ITIH2: variants seen among roughly 807,000 people sequenced by gnomAD.
ITIH2 encodes the protein inter-alpha-trypsin inhibitor heavy chain H2.
A neutral mutation model predicts 104.4 loss-of-function variants in ITIH2; 103 were observed. The ratio of observed to expected loss-of-function variants is 0.99; its 90% CI spans 0.84 to 1.16. The LOEUF (loss-of-function observed/expected upper bound fraction) is 1.16. ITIH2 is among the 50% of genes most tolerant of loss of function. The pLI, the probability that ITIH2 is intolerant of heterozygous loss-of-function variation, is 0.00. For missense variants in ITIH2, 1,108 were observed against 1,162.4 expected, an observed-to-expected ratio of 0.95 and a Z score of 0.68; for synonymous variants, 436 against 435.4, an observed-to-expected ratio of 1.00 and a Z score of -0.02.
chr10:7,736,282 G>A (rs1418336672), intron 15 of ITIH2, among the ~76,000 whole-genome samples: 1 of 152,118 alleles, frequency 6.6e-6, no homozygotes, highest in South Asian at 2.1e-4. Context: ...CGGGAGGATT[G>A]CTTGAGCCTG....
intron 9 of ITIH2, among the ~76,000 whole-genome samples, chr10:7,724,944 AT>A: frequency 6.6e-6 from 1 of 152,120 alleles, no homozygotes; most frequent in African/African-American, 2.4e-5. Flanking sequence ...TCACTCATTC[AT>A]TTAACAAATA....
In ITIH2 at chr10:7,709,127, C is replaced by A; in HGVS notation, c.298C>A (p.Gln100Lys). ...IQSKVVNNSP[Q>K]PQNVVFDVQI... ...GAGCAAAGTGGTGAACAATTCCCCG[C>A]AGCCTCAGAATGTCGTGTTTGATGT... The change falls in exon 4 of 21, where the codon CAG becomes AAG. Residue 100 changes from glutamine to lysine, a missense_variant. By Grantham distance (53) the Gln-to-Lys change is moderately conservative. Transcript: ENST00000358415. 1 of 1,614,136 alleles carries A rather than the reference C, an allele frequency of 6.2e-7. No individual in the cohort carries two copies. The highest frequency in any genetic ancestry group is 8.5e-7 in the Non-Finnish European group (1 of 1,180,014).
chr10:7,747,990 G>C (rs564953994), intron 20 of ITIH2, among the ~76,000 whole-genome samples: 1 of 151,722 alleles, frequency 6.6e-6, no homozygotes, highest in Non-Finnish European at 1.5e-5. Flanking sequence ...TGGATAACCT[G>C]AGGTCAGGAG....
At chr10:7,710,531 T>C (rs1231019159) in intron 4 of ITIH2, among the ~76,000 whole-genome samples, 1 of 152,248 alleles carries the variant, frequency 6.6e-6, no homozygotes, top group Admixed American at 6.5e-5. Flanking sequence ...CTGGCTATTT[T>C]TTTTTTATGA....
intron 14 of ITIH2, among the ~76,000 whole-genome samples, chr10:7,734,537 A>T (rs1438523657): frequency 6.6e-6 from 1 of 152,040 alleles, no homozygotes; most frequent in East Asian, 1.9e-4. Context: ...TCTACAAAAA[A>T]TACAAGAATT....
In ITIH2 at chr10:7,746,561, A is replaced by T. The variant is rs766324672; in HGVS notation, c.2582-32A>T. ...CCTCTTTTTATTTAACTATGATTACATGTCAATCAATGTCTGATTCTGTTT... is the reference window on the plus strand; with the variant it reads ...CCTCTTTTTATTTAACTATGATTACTTGTCAATCAATGTCTGATTCTGTTT... On this transcript the variant is annotated intron_variant, in intron 19 of 20. Transcript: ENST00000358415. The T allele has an allele frequency of 4.4e-6, 6 of 1,377,734 alleles. No homozygotes were observed. In the African/African-American group the frequency reaches 8.6e-5, roughly 20 times the overall value. The allele number at this position is 1,377,734 out of a possible 1,614,324, so 85.3% of individuals were successfully genotyped here. A position where few individuals can be genotyped will look rare whatever the true frequency, so the allele number is the denominator to read the frequency against.
At chr10:7,735,698 A>T (rs1835049491) in intron 15 of ITIH2, among the ~76,000 whole-genome samples, 1 of 130,566 alleles carries the variant, frequency 7.7e-6, no homozygotes, top group African/African-American at 3.0e-5. Flanking sequence ...TTTGAGACAG[A>T]GTCTTGCTCT....
intron 6 of ITIH2, 33 bp downstream of exon 6, chr10:7,717,821 C>G: frequency 6.3e-7 from 1 of 1,589,804 alleles, no homozygotes. Context: ...GGCAGTGACA[C>G]TGTCCTTTTA....
chr10:7,714,735 A>G (rs1343047784), intron 5 of ITIH2, among the ~76,000 whole-genome samples: 2 of 152,136 alleles, frequency 1.3e-5, no homozygotes, highest in African/African-American at 2.4e-5. Context: ...AATACGGAAG[A>G]GAGGGTACAC....
Position 7,703,448 on chromosome 10 carries a change from C to G in ITIH2, c.14C>G (p.Thr5Arg), listed in dbSNP as rs34117267. 9 of 1,613,492 alleles carry G rather than the reference C, an allele frequency of 5.6e-6. No individual in the cohort carries two copies. In the South Asian group the frequency reaches 7.7e-5, roughly 14 times the overall value. The change falls in exon 1 of 21, where the codon ACG (threonine) becomes AGG (arginine). Residue 5 changes from threonine to arginine, a missense_variant. Physicochemically the swap from Thr to Arg is moderately conservative, Grantham distance 71. Transcript: ENST00000358415. ...CTGTCCAGCAAAATGAAAAGACTCA[C>G]GTGCTTTTTCATCTGCTTCTTTCTT... Reference protein sequence around the residue: MKRLTCFFICFFLSE... With the variant: MKRLRCFFICFFLSE...
intron 12 of ITIH2, among the ~76,000 whole-genome samples, chr10:7,731,497 G>T (rs1391184888): frequency 6.6e-6 from 1 of 152,068 alleles, no homozygotes; most frequent in Non-Finnish European, 1.5e-5. Context: ...GGAGGCCCAG[G>T]CAGGCAGATC....
intron 16 of ITIH2, among the ~76,000 whole-genome samples, chr10:7,739,645 C>G (rs1283094132): frequency 6.6e-6 from 1 of 152,154 alleles, no homozygotes; most frequent in African/African-American, 2.4e-5. Flanking sequence ...AATCCCAGCA[C>G]TTTTGGAGGC....
rs1044083446 is a variant in ITIH2, at chr10:7,707,062, T to C, written c.160-139T>C. ...AGTTTTCAAGAATATTCAATATTTA[T>C]GTCTCAACTCCAGTGAATGAATAAC... On this transcript the variant is annotated intron_variant, in intron 2 of 20. Transcript: ENST00000358415. 8.0e-6 allele frequency: 4 copies of C among 498,480 alleles called. No individual in the cohort carries two copies. The Admixed American group carries it at 1.4e-4, about 17-fold the overall frequency. 30.9% of individuals were successfully genotyped at this position (498,480 alleles called of 1,614,324 possible).
At chr10:7,723,599 G>T (rs200367800) in intron 9 of ITIH2, 32 bp downstream of exon 9, 1 of 1,298,098 alleles carries the variant, frequency 7.7e-7, no homozygotes. Flanking sequence ...GTGGTTGGGG[G>T]GATTCCCTAT....
Position 7,707,252 on chromosome 10 carries a change from G to A in ITIH2, c.192+19G>A, listed in dbSNP as rs775381000. 1.9e-6 allele frequency: 3 copies of A among 1,572,048 alleles called. No individual in the cohort carries two copies. The highest frequency in any genetic ancestry group is 1.7e-5 in the Admixed American group (1 of 59,322). ...AATGATGGTAAGTTGACTTGATGTT[G>A]TTACAGATTGAATGATTTTCCTGTT... On this transcript the variant is annotated intron_variant, in intron 3 of 20. Coordinates refer to ENST00000358415, the MANE Select transcript of ITIH2 (RefSeq NM_002216.3).
rs1267402021 is a variant in ITIH2, at chr10:7,703,452, C to T, written c.18C>T (p.Cys6=). The change falls in exon 1 of 21, where the codon TGC becomes TGT. Residue 6 remains cysteine (C), a synonymous_variant. Coordinates refer to ENST00000358415, the MANE Select transcript of ITIH2 (RefSeq NM_002216.3). ...CCAGCAAAATGAAAAGACTCACGTGCTTTTTCATCTGCTTCTTTCTTTCTG... is the reference window on the plus strand; with the variant it reads ...CCAGCAAAATGAAAAGACTCACGTGTTTTTTCATCTGCTTCTTTCTTTCTG... MKRLT[C]FFICFFLSEV... 6.2e-7 allele frequency: 1 copy of T among 1,613,788 alleles called. No individual in the cohort carries two copies.
intron 9 of ITIH2, among the ~76,000 whole-genome samples, chr10:7,724,033 G>A (rs1017073941): frequency 1.3e-5 from 2 of 152,104 alleles, no homozygotes; most frequent in East Asian, 3.9e-4. Flanking sequence ...TAATTATATG[G>A]TAATTGCTTG....
chr10:7,723,593 T>C (rs41290287), intron 9 of ITIH2, 26 bp downstream of exon 9: 77,923 of 1,349,966 alleles, frequency 0.058, 2,674 homozygotes, highest in Admixed American at 0.1. Context: ...TTTGCAGTGG[T>C]TGGGGGGATT....
chr10:7,717,776 C>T lies in ITIH2; in HGVS notation c.618C>T (p.Ala206=), dbSNP rs41290279. Residue 206 remains alanine, a synonymous_variant, in exon 6 of 21, where the codon GCC becomes GCT. Transcript: ENST00000358415. ...HRIYLQPGRL[A]KHLEVDVWVI... ...TCTATCTGCAACCTGGACGGCTGGC[C>T]AAACACTTAGAGGTAAGCCTGGATC... is the stretch of plus-strand genomic sequence containing the variant. The T allele has an allele frequency of 3.8e-5, 61 of 1,610,394 alleles. No individual in the cohort carries two copies. The highest frequency in any genetic ancestry group is 5.0e-5 in the Non-Finnish European group (59 of 1,178,480).
Sources: allele counts gnomAD v4.1 joint callset (sites outside exome capture counted in the v4.1 genomes callset), GRCh38; gene constraint gnomAD v4.1.1; transcripts MANE v1.5; gene names NCBI Gene and HGNC (gene_info 2026-07-23, HGNC 2026-07-21).